Variants in EMB observed in about 807,000 individuals in gnomAD.
EMB encodes embigin.
Under a neutral mutation model 41.4 loss-of-function variants are expected in EMB, and 31 were observed. The ratio of observed to expected loss-of-function variants is 0.75; its 90% CI spans 0.56 to 1.01. The LOEUF (loss-of-function observed/expected upper bound fraction) is 1.01, where lower values mean the gene tolerates loss of function less well. Ranked by LOEUF, EMB falls within the 50% of genes least tolerant of loss-of-function variation. The probability of loss-of-function intolerance (pLI) is 0.00; values close to 1 mark genes in which losing one functional copy is unlikely to be tolerated. For missense variants in EMB, 379 were observed against 388.3 expected (o/e 0.98, Z 0.20); for synonymous variants, 137 against 140.4 (o/e 0.98, Z 0.17).
At chr5:50,442,848 T>A (rs1263461908), upstream of EMB, 1 of 152,180 alleles carries the variant, frequency 6.6e-6, no homozygotes, top group African/African-American at 2.4e-5. Context: ...TGACTGACTT[T>A]TCCCAGTTAG....
chr5:50,408,029 C>G (rs1281661214), intron 4 of EMB, among the ~76,000 whole-genome samples: 1 of 152,012 alleles, frequency 6.6e-6, no homozygotes, highest in Admixed American at 6.6e-5. Context: ...TAAAAGAATG[C>G]TAACTATACT....
chr5:50,411,366 C>G lies in EMB; in HGVS notation c.214G>C (p.Val72Leu). 1 of 1,601,952 alleles carries G rather than the reference C, an allele frequency of 6.2e-7. No homozygotes were observed. The highest frequency in any genetic ancestry group is 8.5e-7 in the Non-Finnish European group (1 of 1,173,444). Reference protein sequence around the residue: ...ISLTEHSSMPVEKNITLERPS... With the variant: ...ISLTEHSSMPLEKNITLERPS... ...CTTTCTAAAGTGATATTTTTTTCTA[C>G]TGGCATACTAGAATGTTCTATTAGC... The change falls in exon 3 of 9, where the codon GTA (valine) becomes CTA (leucine). Residue 72 changes from valine to leucine, a missense_variant. Physicochemically the swap from Val to Leu is conservative, Grantham distance 32. Transcript: ENST00000303221.
At chr5:50,439,158 T>C (rs1403772545) in intron 1 of EMB, among the ~76,000 whole-genome samples, 1 of 151,892 alleles carries the variant, frequency 6.6e-6, no homozygotes, top group East Asian at 1.9e-4. Context: ...TCAAGCTCTC[T>C]GGTGATTCTG....
intron 4 of EMB, 28 bp from the exon 5 acceptor site, chr5:50,405,880 T>A: frequency 1.3e-6 from 2 of 1,563,294 alleles, no homozygotes; most frequent in Non-Finnish European, 1.7e-6. Flanking sequence ...AAATGTATGT[T>A]ACTGAAAGAG....
intron 2 of EMB, among the ~76,000 whole-genome samples, chr5:50,415,207 T>C (rs574479674): frequency 1.3e-5 from 2 of 152,290 alleles, no homozygotes; most frequent in East Asian, 1.9e-4. Flanking sequence ...CCTCCTATTA[T>C]TGGCCTTCAT....
intron 2 of EMB, among the ~76,000 whole-genome samples, chr5:50,422,183 T>C (rs1040184650): frequency 4.6e-5 from 7 of 152,080 alleles, no homozygotes; most frequent in African/African-American, 1.7e-4. Flanking sequence ...ATTAATGAAA[T>C]AAAATAGGCA....
At position 50,405,838 on chromosome 5, in the gene EMB, C is replaced by T. The variant is rs553167245; in HGVS notation, c.487G>A (p.Gly163Arg). The part of the protein sequence containing the change: ...TFNFKVPELH[G>R]KNKPLISYVG... The stretch of plus-strand genomic sequence containing the variant: ...TAAGAGATCAATGGCTTGTTTTTCC[C>T]ATGAAGTTCAGGGACTGAGAATAAA... The change falls in exon 5 of 9, where the codon GGG becomes AGG. Residue 163 changes from glycine (G) to arginine (R), a missense_variant. Gly to Arg is a moderately radical substitution (Grantham distance 125). Transcript: ENST00000303221. 140 of 1,583,210 alleles carry T rather than the reference C, an allele frequency of 8.8e-5. No homozygotes were observed. In the East Asian group the frequency reaches 3.0e-3, roughly 34 times the overall value.
At chr5:50,429,968 T>TTCCC (rs1745686629) in intron 1 of EMB, among the ~76,000 whole-genome samples, 1 of 62,082 alleles carries the variant, frequency 1.6e-5, no homozygotes, top group African/African-American at 6.3e-5. Flanking sequence ...CCAACTCTCT[T>TTCCC]TCTCTCTCTC....
chr5:50,441,323 T>TC, upstream of EMB: 1 of 390,390 alleles, frequency 2.6e-6, no homozygotes, highest in Non-Finnish European at 4.5e-6. Context: ...CTTGCCCCAC[T>TC]CCCCCGAGAC....
At chr5:50,431,719 T>C (rs1579743115) in intron 1 of EMB, among the ~76,000 whole-genome samples, 1 of 152,334 alleles carries the variant, frequency 6.6e-6, no homozygotes, top group Non-Finnish European at 1.5e-5. Context: ...TTCTTAATCA[T>C]TGCTGGAAAA....
intron 2 of EMB, among the ~76,000 whole-genome samples, chr5:50,424,731 A>T (rs1745582362): frequency 1.3e-5 from 2 of 152,162 alleles, no homozygotes; most frequent in Non-Finnish European, 2.9e-5. Context: ...TCCAGCTGTC[A>T]TAACTTAGCA....
Position 50,396,257 on chromosome 5 carries a change from A to G in EMB, c.*3016T>C, listed in dbSNP as rs1259527759. 6.6e-6 allele frequency: 1 copy of G among 152,172 alleles called. No individual in the cohort carries two copies. The highest frequency in any genetic ancestry group is 1.5e-5 in the Non-Finnish European group (1 of 68,022). 9.4% of individuals were successfully genotyped at this position (152,172 alleles called of 1,614,324 possible). On this transcript the variant is annotated 3_prime_UTR_variant, in exon 9 of 9. Transcript: ENST00000303221. ...TTTCAATTCTGATTTGTCACAATTT[A>G]GATTCTTTTTCTAAGAATAAGCAGA...
At chr5:50,418,913 T>A (rs1198102847) in intron 2 of EMB, among the ~76,000 whole-genome samples, 1 of 152,240 alleles carries the variant, frequency 6.6e-6, no homozygotes, top group Non-Finnish European at 1.5e-5. Context: ...TATCAAGATT[T>A]ACACTAGATA....
chr5:50,417,164 TA>T (rs934142073), intron 2 of EMB, among the ~76,000 whole-genome samples: 1 of 152,138 alleles, frequency 6.6e-6, no homozygotes, highest in African/African-American at 2.4e-5. Context: ...AATTTCACCA[TA>T]AAAGTCAATA....
chr5:50,423,062 G>A (rs1437965028), intron 2 of EMB, among the ~76,000 whole-genome samples: 1 of 151,076 alleles, frequency 6.6e-6, no homozygotes, highest in African/African-American at 2.4e-5. Flanking sequence ...GGAAAAAAAT[G>A]TCTAAGTAAG....
chr5:50,428,129 A>G lies in EMB; in HGVS notation c.196+15T>C. ...TTTTTTTCGAATTGCATTATTTGAA[A>G]CATGATACATTTACCAGTCAGTGAT... On this transcript the variant is annotated intron_variant, in intron 2 of 8. Transcript: ENST00000303221. The G allele has an allele frequency of 1.9e-6, 3 of 1,557,308 alleles. No individual in the cohort carries two copies. Among genetic ancestry groups the G allele is most frequent in the Non-Finnish European group, 2.6e-6 (3 of 1,139,482 alleles).
intron 7 of EMB, among the ~76,000 whole-genome samples, chr5:50,401,759 C>A (rs1272559050): frequency 6.6e-6 from 1 of 151,940 alleles, no homozygotes; most frequent in South Asian, 2.1e-4. Flanking sequence ...TTTCAACAGA[C>A]AGAGGATCAA....
At chr5:50,420,739 GA>G (rs1745506666) in intron 2 of EMB, among the ~76,000 whole-genome samples, 1 of 152,172 alleles carries the variant, frequency 6.6e-6, no homozygotes, top group East Asian at 1.9e-4. Context: ...AATTTTTGTT[GA>G]AGTGGTTGTA....
intron 2 of EMB, among the ~76,000 whole-genome samples, chr5:50,426,787 T>C (rs1745617141): frequency 6.6e-6 from 1 of 151,366 alleles, no homozygotes; most frequent in Admixed American, 6.6e-5. Flanking sequence ...TTAAAAATCT[T>C]AACAGCAGTA....
Sources: allele counts gnomAD v4.1 joint callset (sites outside exome capture counted in the v4.1 genomes callset), GRCh38; gene constraint gnomAD v4.1.1; transcripts MANE v1.5; gene names NCBI Gene and HGNC (gene_info 2026-07-23, HGNC 2026-07-21).